The following VPS50 variants were observed in gnomAD, a reference collection of about 807,000 sequenced individuals.
VPS50 encodes syndetin.
VPS50 carries 70 observed loss-of-function variants against 139.7 expected under a neutral mutation model. That is an observed-to-expected ratio of 0.50 (90% CI 0.41 to 0.61). The LOEUF is 0.61. VPS50 is among the 20% of genes least tolerant of loss of function. VPS50 has a pLI of 0.00. For missense variants in VPS50, 921 were observed against 1,133.7 expected (o/e 0.81, Z 2.69); for synonymous variants, 365 against 376.7 (o/e 0.97, Z 0.36).
chr7:93,256,336 T>C (rs1795481775), intron 4 of VPS50, 173 bp from the exon 5 acceptor site: 4 of 417,824 alleles, frequency 9.6e-6, no homozygotes, highest in Non-Finnish European at 1.7e-5. Flanking sequence ...TATTACCTCT[T>C]TTACTAATTT....
At chr7:93,334,090 G>A (rs371905147) in intron 21 of VPS50, 27 bp from the exon 22 acceptor site, 5 of 1,272,774 alleles carry the variant, frequency 3.9e-6, no homozygotes, top group Admixed American at 1.8e-5. Context: ...TCTTTAGAAC[G>A]ATATAACAAG....
At chr7:93,339,769 A>T (rs1798162827) in intron 22 of VPS50, among the ~76,000 whole-genome samples, 1 of 152,176 alleles carries the variant, frequency 6.6e-6, no homozygotes, top group Admixed American at 6.5e-5. Flanking sequence ...TCTATGATTC[A>T]ATCAACATTT....
In VPS50 at chr7:93,257,464, G is replaced by T; in HGVS notation, c.422G>T (p.Arg141Ile). 1 of 1,568,510 alleles carries T rather than the reference G, an allele frequency of 6.4e-7. No individual in the cohort carries two copies. Among genetic ancestry groups the T allele is most frequent in the Non-Finnish European group, 8.7e-7 (1 of 1,143,356 alleles). The change falls in exon 6 of 28, where the codon AGA (arginine) becomes ATA (isoleucine). Residue 141 changes from arginine (R) to isoleucine (I), a missense_variant and splice_region_variant. Physicochemically the swap from Arg to Ile is moderately conservative, Grantham distance 97. Coordinates refer to ENST00000305866, the MANE Select transcript of VPS50 (RefSeq NM_017667.4). The part of the protein sequence containing the change: ...LAAVICTNGR[R>I]HLNIAKEGFT... ...GCTGTTATCTGTACAAATGGGAGAAGGTATTGCTTTTGATGATATTTTGTT... is the reference window on the plus strand; with the variant it reads ...GCTGTTATCTGTACAAATGGGAGAATGTATTGCTTTTGATGATATTTTGTT...
intron 4 of VPS50, 104 bp from the exon 5 acceptor site, chr7:93,256,405 G>A (rs1795483579): frequency 1.8e-6 from 1 of 543,536 alleles, no homozygotes; most frequent in African/African-American, 2.0e-5. Flanking sequence ...CAAAGTTATT[G>A]GGGAGATCTA....
intron 27 of VPS50, among the ~76,000 whole-genome samples, chr7:93,358,084 C>T (rs1464668464): frequency 3.3e-5 from 5 of 152,140 alleles, no homozygotes; most frequent in African/African-American, 4.8e-5. Context: ...CATATTAAAA[C>T]AGATTCTAGT....
Position 93,358,714 on chromosome 7 carries a change from A to G in VPS50, c.*278A>G. ...TGACTACAGTTATACATTTTACAGA[A>G]GAATGTACCATAAGTATATAATTAG... On this transcript the variant is annotated 3_prime_UTR_variant, in exon 28 of 28. Transcript: ENST00000305866. 2 of 255,570 alleles carry G rather than the reference A, an allele frequency of 7.8e-6. No individual in the cohort carries two copies. Among genetic ancestry groups the G allele is most frequent in the South Asian group, 7.2e-5 (1 of 13,964 alleles). The allele number at this position is 255,570 out of a possible 1,614,324, so 15.8% of individuals were successfully genotyped here.
At chr7:93,258,511 CAT>C in intron 8 of VPS50, 119 bp downstream of exon 8, 1 of 757,694 alleles carries the variant, frequency 1.3e-6, no homozygotes, top group African/African-American at 1.8e-5. Context: ...TATTTTTAGA[CAT>C]GTAAGATTTT....
At chr7:93,319,088 G>A (rs1797522472) in intron 20 of VPS50, among the ~76,000 whole-genome samples, 1 of 152,132 alleles carries the variant, frequency 6.6e-6, no homozygotes, top group Non-Finnish European at 1.5e-5. Flanking sequence ...TCATTCAAGA[G>A]CTCAATATCC....
At chr7:93,335,896 G>A (rs755892746) in intron 22 of VPS50, among the ~76,000 whole-genome samples, 46 of 152,270 alleles carry the variant, frequency 3.0e-4, no homozygotes, top group Admixed American at 1.5e-3. Context: ...GTGGATTTCT[G>A]CCTCAGATTT....
At chr7:93,308,098 T>C (rs1216590753) in intron 18 of VPS50, among the ~76,000 whole-genome samples, 3 of 149,564 alleles carry the variant, frequency 2.0e-5, no homozygotes, top group African/African-American at 7.6e-5. Flanking sequence ...CATTTAATCG[T>C]ATTAATCTAT....
intron 23 of VPS50, among the ~76,000 whole-genome samples, chr7:93,342,511 CA>C (rs1798248674): frequency 6.6e-6 from 1 of 152,212 alleles, no homozygotes; most frequent in Admixed American, 6.5e-5. Context: ...CTGTAGGCTC[CA>C]CCTCTGGGGG....
intron 1 of VPS50, among the ~76,000 whole-genome samples, chr7:93,236,683 A>G (rs1318903010): frequency 6.6e-6 from 1 of 152,000 alleles, no homozygotes; most frequent in Non-Finnish European, 1.5e-5. Flanking sequence ...AGAGATGAAG[A>G]TAAAATAAGA....
In VPS50 at chr7:93,305,824, C is replaced by T; in HGVS notation, c.1453-4C>T. On this transcript the variant is annotated splice_polypyrimidine_tract_variant and splice_region_variant and intron_variant, in intron 17 of 27. Coordinates refer to ENST00000305866, the MANE Select transcript of VPS50 (RefSeq NM_017667.4). ...GGGTATCTGGCTCCTTTTTTAACAT[C>T]TAGGAATTTAAATTCATGGAACAGT... 1 of 1,610,446 alleles carries T rather than the reference C, an allele frequency of 6.2e-7. No individual in the cohort carries two copies. Among genetic ancestry groups the T allele is most frequent in the Non-Finnish European group, 8.5e-7 (1 of 1,177,286 alleles).
intron 12 of VPS50, among the ~76,000 whole-genome samples, chr7:93,280,552 T>G (rs1796293800): frequency 6.6e-6 from 1 of 152,152 alleles, no homozygotes; most frequent in Non-Finnish European, 1.5e-5. Context: ...GTGGAGAGAT[T>G]TATAGACAAC....
intron 21 of VPS50, among the ~76,000 whole-genome samples, chr7:93,325,990 A>G (rs1040739918): frequency 2.6e-5 from 4 of 151,936 alleles, no homozygotes; most frequent in African/African-American, 9.7e-5. Flanking sequence ...ATAAAGACAC[A>G]TGCACACGTA....
intron 12 of VPS50, among the ~76,000 whole-genome samples, chr7:93,277,687 A>G (rs1156273631): frequency 6.6e-6 from 1 of 152,196 alleles, no homozygotes; most frequent in Admixed American, 6.5e-5. Flanking sequence ...TAATTGTAGA[A>G]ACCATGAGGA....
At chr7:93,296,893 C>A in intron 15 of VPS50, 57 bp downstream of exon 15, 1 of 1,526,672 alleles carries the variant, frequency 6.6e-7, no homozygotes, top group South Asian at 1.3e-5. Context: ...CATGATAAAT[C>A]ATGAGCTAGT....
chr7:93,350,896 TGAAAA>T (rs1798537565), intron 25 of VPS50, among the ~76,000 whole-genome samples: 1 of 152,130 alleles, frequency 6.6e-6, no homozygotes, highest in Non-Finnish European at 1.5e-5. Flanking sequence ...TTTTTGTAAA[TGAAAA>T]GAAAATTGTC....
At chr7:93,240,249 ACTCT>A (rs4015280) in intron 2 of VPS50, among the ~76,000 whole-genome samples, 140 of 109,368 alleles carry the variant, frequency 1.3e-3, no homozygotes, top group East Asian at 5.5e-3. Context: ...ACACACACAC[ACTCT>A]CTCTCTCTCT....
Sources: gnomAD v4.1 joint callset for allele counts (sites outside exome capture counted in the v4.1 genomes callset) on GRCh38, gnomAD v4.1.1 for gene constraint, MANE v1.5 for transcripts, NCBI Gene and HGNC (gene_info 2026-07-23, HGNC 2026-07-21) for gene names.